The following ZNF236 variants were observed in gnomAD, a reference collection of about 807,000 sequenced individuals.
ZNF236 encodes regulated by glucose.
ZNF236 carries 50 observed loss-of-function variants against 191.2 expected under a neutral mutation model. The ratio of observed to expected loss-of-function variants is 0.26; its 90% CI spans 0.21 to 0.33. The LOEUF (loss-of-function observed/expected upper bound fraction) is 0.33. Among genes scored for constraint, ZNF236 ranks in the 10% least tolerant of loss-of-function variants. ZNF236 has a pLI of 1.00. For missense variants in ZNF236, 1,754 were observed against 2,374.5 expected (o/e 0.74, Z 5.43); for synonymous variants, 907 against 928.8 (o/e 0.98, Z 0.43).
chr18:76,889,534 T>C (rs1382042086), intron 9 of ZNF236, among the ~76,000 whole-genome samples: 1 of 152,168 alleles, frequency 6.6e-6, no homozygotes, highest in Non-Finnish European at 1.5e-5. Flanking sequence ...CACGTGGACC[T>C]CACTGGCCAT....
intron 25 of ZNF236, among the ~76,000 whole-genome samples, chr18:76,929,944 T>C (rs1271461426): frequency 3.3e-5 from 5 of 152,236 alleles, no homozygotes; most frequent in Non-Finnish European, 7.3e-5. Context: ...TTGCAGACTT[T>C]AGGCAGTTCA....
intron 26 of ZNF236, 86 bp downstream of exon 26, chr18:76,937,429 T>C: frequency 8.0e-7 from 1 of 1,249,556 alleles, no homozygotes; most frequent in South Asian, 2.3e-5. Flanking sequence ...CCTAAATAAA[T>C]AGTCTGAGCA....
At chr18:76,908,716 T>C in intron 14 of ZNF236, 143 bp downstream of exon 14, 1 of 1,052,412 alleles carries the variant, frequency 9.5e-7, no homozygotes, top group South Asian at 1.8e-5. Context: ...ATTGAGTATT[T>C]GATATCATTC....
chr18:76,877,943 T>A (rs985038730), intron 6 of ZNF236, 66 bp from the exon 7 acceptor site: 1 of 1,265,534 alleles, frequency 7.9e-7, no homozygotes, highest in Admixed American at 2.3e-5. Context: ...TGATTTGCCA[T>A]AATTTAGATG....
chr18:76,823,454 G>A (rs1974924530), intron 1 of ZNF236, among the ~76,000 whole-genome samples: 1 of 150,996 alleles, frequency 6.6e-6, no homozygotes, highest in Non-Finnish European at 1.5e-5. Flanking sequence ...ATTGTGATCC[G>A]GGTAGCTTGA....
chr18:76,952,828 A>C (rs1047172053), intron 27 of ZNF236, among the ~76,000 whole-genome samples: 7 of 152,176 alleles, frequency 4.6e-5, no homozygotes, highest in Non-Finnish European at 7.3e-5. Flanking sequence ...AAAACAAAAC[A>C]AAACCCAAAC....
chr18:76,931,787 A>G (rs1967857187), intron 25 of ZNF236, among the ~76,000 whole-genome samples: 1 of 152,266 alleles, frequency 6.6e-6, no homozygotes, highest in South Asian at 2.1e-4. Context: ...AGTAACCATT[A>G]ACAGTTTAGG....
At position 76,881,344 on chromosome 18, in the gene ZNF236, T is replaced by G. The variant is rs1161433829; in HGVS notation, c.1249T>G (p.Cys417Gly). 5.0e-6 allele frequency: 8 copies of G among 1,614,022 alleles called. No individual in the cohort carries two copies. The highest frequency in any genetic ancestry group is 6.8e-6 in the Non-Finnish European group (8 of 1,180,036). The stretch of plus-strand genomic sequence containing the variant: ...AGCTGCAGCACATCCTAATGACTCC[T>G]GCCATGCCAAGACCTCTGCACCACA... ...IPAAAHPNDS[C>G]HAKTSAPHAQ... Residue 417 changes from cysteine to glycine, a missense_variant, in exon 9 of 31, where the codon TGC becomes GGC. Coordinates refer to ENST00000320610, the MANE Select transcript of ZNF236 (RefSeq NM_001306089.2).
chr18:76,892,654 G>C (rs569037054), intron 9 of ZNF236, among the ~76,000 whole-genome samples: 1 of 152,116 alleles, frequency 6.6e-6, no homozygotes, highest in African/African-American at 2.4e-5. Flanking sequence ...CATAACCTCT[G>C]CCTCCCGGGT....
At chr18:76,835,779 G>T (rs1286180505) in intron 1 of ZNF236, among the ~76,000 whole-genome samples, 2 of 152,014 alleles carry the variant, frequency 1.3e-5, no homozygotes, top group Non-Finnish European at 2.9e-5. Flanking sequence ...GTACATTTAA[G>T]GCCGTTTTGA....
intron 1 of ZNF236, among the ~76,000 whole-genome samples, chr18:76,823,024 C>T (rs1279208817): frequency 6.7e-6 from 1 of 148,660 alleles, no homozygotes; most frequent in Non-Finnish European, 1.5e-5. Context: ...GCCCCGTGTT[C>T]CGTCCCGGGG....
At chr18:76,847,474 A>T (rs999631223) in intron 1 of ZNF236, among the ~76,000 whole-genome samples, 7 of 148,708 alleles carry the variant, frequency 4.7e-5, no homozygotes, top group Admixed American at 1.3e-4. Context: ...TTATTTATTT[A>T]TTTTTTTTTT....
At chr18:76,835,366 A>G (rs1012331565) in intron 1 of ZNF236, among the ~76,000 whole-genome samples, 2 of 152,214 alleles carry the variant, frequency 1.3e-5, no homozygotes, top group Non-Finnish European at 2.9e-5. Flanking sequence ...TGAAAAGAAC[A>G]TATATCTATT....
At chr18:76,842,772 C>A (rs1192305337) in intron 1 of ZNF236, among the ~76,000 whole-genome samples, 2 of 151,310 alleles carry the variant, frequency 1.3e-5, no homozygotes, top group East Asian at 3.9e-4. Context: ...AAAAGCGATA[C>A]CATTCAGAAT....
intron 3 of ZNF236, among the ~76,000 whole-genome samples, chr18:76,865,368 C>A (rs1391460325): frequency 6.6e-6 from 1 of 151,872 alleles, no homozygotes; most frequent in Non-Finnish European, 1.5e-5. Flanking sequence ...ACAAAAAAAA[C>A]CTCTCATATG....
chr18:76,860,316 AGG>A (rs1447226483), intron 3 of ZNF236, among the ~76,000 whole-genome samples: 1 of 152,214 alleles, frequency 6.6e-6, no homozygotes, highest in Non-Finnish European at 1.5e-5. Flanking sequence ...ACCCATCTAC[AGG>A]GGTCACCAGC....
chr18:76,913,920 G>C (rs764254408), intron 18 of ZNF236, 22 bp downstream of exon 18: 19 of 1,612,860 alleles, frequency 1.2e-5, no homozygotes, highest in Non-Finnish European at 1.5e-5. Context: ...CCTTATACTT[G>C]GAGATTAGTC....
intron 7 of ZNF236, among the ~76,000 whole-genome samples, chr18:76,878,766 TTAA>T (rs1178805944): frequency 6.6e-6 from 1 of 152,212 alleles, no homozygotes; most frequent in African/African-American, 2.4e-5. Flanking sequence ...TATAGGTATC[TTAA>T]TAGTAGTAGA....
chr18:76,860,486 G>A (rs553592337), intron 3 of ZNF236, among the ~76,000 whole-genome samples: 3 of 152,208 alleles, frequency 2.0e-5, no homozygotes, highest in South Asian at 2.1e-4. Flanking sequence ...CCTTCCCTTC[G>A]TCCTGTTTTC....
Sources: allele counts gnomAD v4.1 joint callset (sites outside exome capture counted in the v4.1 genomes callset), GRCh38; gene constraint gnomAD v4.1.1; transcripts MANE v1.5; gene names NCBI Gene and HGNC (gene_info 2026-07-23, HGNC 2026-07-21).